CEP85L: variants seen among roughly 807,000 people sequenced by gnomAD.
The protein encoded by CEP85L is centrosomal protein of 85 kDa-like.
A neutral mutation model predicts 100.3 loss-of-function variants in CEP85L; 60 were observed. The ratio of observed to expected loss-of-function variants is 0.60; its 90% confidence interval spans 0.49 to 0.74. The LOEUF (loss-of-function observed/expected upper bound fraction) is 0.74, where lower values mean the gene tolerates loss of function less well. CEP85L is among the 30% of genes least tolerant of loss of function. The probability of loss-of-function intolerance (pLI) is 0.00; values close to 1 mark genes in which losing one functional copy is unlikely to be tolerated. For missense variants in CEP85L, 973 were observed against 936.2 expected (o/e 1.04, Z -0.51); for synonymous variants, 319 against 322.7 (o/e 0.99, Z 0.12).
In CEP85L at chr6:118,463,895, T is replaced by C. The variant is rs919327103; in HGVS notation, c.*1510A>G. The C allele has an allele frequency of 5.3e-5, 8 of 152,152 alleles. No homozygotes were observed. Among genetic ancestry groups the C allele is most frequent in the African/African-American group, 1.9e-4 (8 of 41,442 alleles). The allele number at this position is 152,152 out of a possible 1,614,324, so 9.4% of individuals were successfully genotyped here. On this transcript the variant is annotated 3_prime_UTR_variant, in exon 13 of 13. Coordinates refer to ENST00000368491, the MANE Select transcript of CEP85L (RefSeq NM_001042475.3). ...TGTCTCACATTTTCACTTTTAAATATTTAAGAAAAATCTTTCCTAGGAGAG... is the reference window on the plus strand; with the variant it reads ...TGTCTCACATTTTCACTTTTAAATACTTAAGAAAAATCTTTCCTAGGAGAG...
chr6:118,468,182 A>G (rs770133736), intron 12 of CEP85L, among the ~76,000 whole-genome samples: 26 of 152,200 alleles, frequency 1.7e-4, no homozygotes, highest in Non-Finnish European at 3.4e-4. Context: ...TTAACAAGTG[A>G]TATACTTTGG....
rs1562159777 is a variant in CEP85L, at chr6:118,461,865, T to C, written c.*3540A>G. 6.6e-6 allele frequency: 1 copy of C among 152,084 alleles called. No homozygotes were observed. Among genetic ancestry groups the C allele is most frequent in the Non-Finnish European group, 1.5e-5 (1 of 67,918 alleles). 9.4% of individuals were successfully genotyped at this position (152,084 alleles called of 1,614,324 possible). A position where few individuals can be genotyped will look rare whatever the true frequency, so the allele number is the denominator to read the frequency against. The stretch of plus-strand genomic sequence containing the variant: ...TAATTACATATCTACAATGATATAA[T>C]TCCTACGTAAGAGAATGCCAATAAT... On this transcript the variant is annotated 3_prime_UTR_variant, in exon 13 of 13. Transcript: ENST00000368491.
chr6:118,562,242 C>A (rs1314614171), intron 3 of CEP85L, among the ~76,000 whole-genome samples: 1 of 152,052 alleles, frequency 6.6e-6, no homozygotes, highest in Non-Finnish European at 1.5e-5. Context: ...AATAAGAAAA[C>A]TTTCTGTTCA....
intron 2 of CEP85L, among the ~76,000 whole-genome samples, chr6:118,597,445 G>A (rs377408374): frequency 6.6e-6 from 1 of 152,066 alleles, no homozygotes; most frequent in Non-Finnish European, 1.5e-5. Context: ...CAGCTTGGAG[G>A]TAATTGCAAG....
intron 1 of CEP85L, among the ~76,000 whole-genome samples, chr6:118,674,035 G>C (rs537086730): frequency 6.6e-6 from 1 of 152,152 alleles, no homozygotes; most frequent in Non-Finnish European, 1.5e-5. Context: ...AGGCCTAATT[G>C]TAAGAGCTAA....
intron 5 of CEP85L, among the ~76,000 whole-genome samples, chr6:118,493,117 G>A (rs372987482): frequency 3.9e-5 from 6 of 152,090 alleles, no homozygotes; most frequent in South Asian, 2.1e-4. Context: ...GACATTGAGC[G>A]AATGAGGAAA....
chr6:118,598,520 T>G (rs1031956032), intron 2 of CEP85L, among the ~76,000 whole-genome samples: 4 of 152,108 alleles, frequency 2.6e-5, no homozygotes, highest in Admixed American at 2.0e-4. Context: ...AGAAAAGATA[T>G]GAAGACAGAA....
chr6:118,674,346 A>G (rs960231520), intron 1 of CEP85L, among the ~76,000 whole-genome samples: 5 of 152,172 alleles, frequency 3.3e-5, no homozygotes, highest in Admixed American at 1.3e-4. Context: ...CAACATGGTG[A>G]AACACTGTCT....
At chr6:118,702,889 G>A (rs1308025095) in intron 1 of CEP85L, among the ~76,000 whole-genome samples, 2 of 151,822 alleles carry the variant, frequency 1.3e-5, no homozygotes, top group African/African-American at 2.4e-5. Flanking sequence ...CCAGCTACTC[G>A]GGAGGCTGAG....
At position 118,463,525 on chromosome 6, in the gene CEP85L, T is replaced by A. The variant is rs1772335201; in HGVS notation, c.*1880A>T. 6.6e-6 allele frequency: 1 copy of A among 152,076 alleles called. No homozygotes were observed. Among genetic ancestry groups the A allele is most frequent in the African/African-American group, 2.4e-5 (1 of 41,432 alleles). 9.4% of individuals were successfully genotyped at this position (152,076 alleles called of 1,614,324 possible). A position where few individuals can be genotyped will look rare whatever the true frequency, so the allele number is the denominator to read the frequency against. ...CCAAGGCAGAATTCTTCGCATCACA[T>A]TTTTGGTGGAAATTTACTATACCCT... On this transcript the variant is annotated 3_prime_UTR_variant, in exon 13 of 13. Transcript: ENST00000368491.
intron 10 of CEP85L, among the ~76,000 whole-genome samples, chr6:118,479,250 C>T (rs897936141): frequency 6.6e-6 from 1 of 152,050 alleles, no homozygotes; most frequent in Non-Finnish European, 1.5e-5. Context: ...AATCATTTAC[C>T]ACTTTTACTT....
At chr6:118,645,521 T>G (rs767046002) in intron 1 of CEP85L, among the ~76,000 whole-genome samples, 1 of 151,948 alleles carries the variant, frequency 6.6e-6, no homozygotes, top group Non-Finnish European at 1.5e-5. Context: ...AATACAAAAA[T>G]TAGCCAGCAG....
upstream of CEP85L, chr6:118,652,736 C>T (rs1308016606): frequency 6.5e-7 from 1 of 1,546,106 alleles, no homozygotes; most frequent in Non-Finnish European, 8.7e-7. Context: ...TGGAGTTTTA[C>T]ATTTAGTCTC....
intron 1 of CEP85L, among the ~76,000 whole-genome samples, chr6:118,699,714 C>A (rs1289091244): frequency 2.0e-5 from 3 of 151,970 alleles, no homozygotes; most frequent in Non-Finnish European, 2.9e-5. Flanking sequence ...ATTTTTGAGA[C>A]AGAGTCTCAC....
chr6:118,651,436 G>A lies in CEP85L; in HGVS notation c.-167C>T. 7.5e-7 allele frequency: 1 copy of A among 1,328,886 alleles called. No individual in the cohort carries two copies. The highest frequency in any genetic ancestry group is 9.6e-7 in the Non-Finnish European group (1 of 1,043,394). The allele number at this position is 1,328,886 out of a possible 1,614,324, so 82.3% of individuals were successfully genotyped here. A position where few individuals can be genotyped will look rare whatever the true frequency, so the allele number is the denominator to read the frequency against. On this transcript the variant is annotated 5_prime_UTR_variant, in exon 1 of 13. Coordinates refer to ENST00000368491, the MANE Select transcript of CEP85L (RefSeq NM_001042475.3). The stretch of plus-strand genomic sequence containing the variant: ...GCTCAGCTACGGGCGGGGAGCGCAG[G>A]GGCCAGATTCGCCGCACTGCCGGCG...
chr6:118,569,545 T>C (rs1337040312), intron 2 of CEP85L, among the ~76,000 whole-genome samples: 1 of 151,522 alleles, frequency 6.6e-6, no homozygotes, highest in Non-Finnish European at 1.5e-5. Context: ...TCTGGCTCTA[T>C]CACTCAGTAG....
chr6:118,655,545 C>G (rs1775759361), upstream of CEP85L, among the ~76,000 whole-genome samples: 1 of 152,170 alleles, frequency 6.6e-6, no homozygotes, highest in African/African-American at 2.4e-5. Context: ...TTCTTCCCTC[C>G]CTGCCTGCTT....
At chr6:118,610,366 T>C (rs1340883829) in intron 2 of CEP85L, among the ~76,000 whole-genome samples, 2 of 152,252 alleles carry the variant, frequency 1.3e-5, no homozygotes, top group African/African-American at 4.8e-5. Context: ...CATAGTAGTA[T>C]CCAAGAAGCC....
At chr6:118,530,863 A>G (rs551286476) in intron 3 of CEP85L, among the ~76,000 whole-genome samples, 1 of 149,746 alleles carries the variant, frequency 6.7e-6, no homozygotes, top group South Asian at 2.1e-4. Flanking sequence ...ATGATTCCAA[A>G]AAAAAAAAAG....
Sources: gnomAD v4.1 joint callset for allele counts (sites outside exome capture counted in the v4.1 genomes callset) on GRCh38, gnomAD v4.1.1 for gene constraint, MANE v1.5 for transcripts, NCBI Gene and HGNC (gene_info 2026-07-23, HGNC 2026-07-21) for gene names.